Variants in ACOXL observed in about 807,000 individuals in gnomAD.
The protein encoded by ACOXL is acyl-coenzyme A oxidase-like protein.
ACOXL carries 70 observed loss-of-function variants against 71.9 expected under a neutral mutation model. The observed-to-expected ratio is 0.97, with a 90% CI of 0.80 to 1.19. The LOEUF is 1.19. ACOXL is among the 50% of genes most tolerant of loss of function. The pLI is 0.00. For synonymous variants in ACOXL, 253 were observed against 281.6 expected (o/e 0.90, Z 1.02); for missense variants, 703 against 736.3 (o/e 0.95, Z 0.52).
intron 2 of ACOXL, among the ~76,000 whole-genome samples, chr2:110,769,188 A>G (rs535594633): frequency 7.0e-4 from 106 of 151,894 alleles, no homozygotes; most frequent in African/African-American, 2.5e-3. Flanking sequence ...GTCATTCTAA[A>G]TTTAGTGGTA....
chr2:110,773,070 G>T (rs1682167785), intron 2 of ACOXL, among the ~76,000 whole-genome samples: 1 of 152,190 alleles, frequency 6.6e-6, no homozygotes, highest in Admixed American at 6.5e-5. Context: ...GGACCATAAA[G>T]GTTGAGAGTC....
chr2:110,744,392 TG>T (rs1677926698), intron 1 of ACOXL, among the ~76,000 whole-genome samples: 1 of 152,004 alleles, frequency 6.6e-6, no homozygotes, highest in Non-Finnish European at 1.5e-5. Context: ...AGTTAGGAGG[TG>T]GGATCTGCAG....
At chr2:110,971,701 A>G (rs2062196175) in intron 12 of ACOXL, among the ~76,000 whole-genome samples, 1 of 152,220 alleles carries the variant, frequency 6.6e-6, no homozygotes, top group Non-Finnish European at 1.5e-5. Flanking sequence ...TTTTAGCAAT[A>G]TCTATAGGAG....
intron 14 of ACOXL, among the ~76,000 whole-genome samples, chr2:111,008,479 A>C (rs1242137475): frequency 6.6e-6 from 1 of 152,206 alleles, no homozygotes; most frequent in Non-Finnish European, 1.5e-5. Flanking sequence ...ACAGCCACAG[A>C]ATAATCTATG....
intron 1 of ACOXL, among the ~76,000 whole-genome samples, chr2:110,766,362 G>A (rs1681067079): frequency 3.3e-5 from 5 of 152,160 alleles, no homozygotes; most frequent in Admixed American, 2.0e-4. Context: ...TGTCCAGGTG[G>A]CCATGTATAT....
At chr2:110,857,887 A>G (rs1381605217) in intron 10 of ACOXL, among the ~76,000 whole-genome samples, 1 of 151,940 alleles carries the variant, frequency 6.6e-6, no homozygotes, top group Non-Finnish European at 1.5e-5. Flanking sequence ...CACCACGCCC[A>G]GCTCATTTTT....
At chr2:111,024,212 G>T (rs1384203791) in intron 14 of ACOXL, among the ~76,000 whole-genome samples, 1 of 152,192 alleles carries the variant, frequency 6.6e-6, no homozygotes, top group Non-Finnish European at 1.5e-5. Flanking sequence ...CCAGGTTGTA[G>T]ATTGAATTCT....
At chr2:110,780,729 T>G (rs1462539580) in intron 2 of ACOXL, among the ~76,000 whole-genome samples, 3 of 152,054 alleles carry the variant, frequency 2.0e-5, no homozygotes, top group Non-Finnish European at 4.4e-5. Flanking sequence ...TAGTGGATGG[T>G]GATACAAAAA....
At chr2:111,022,719 C>T (rs549255545) in intron 14 of ACOXL, among the ~76,000 whole-genome samples, 37 of 152,180 alleles carry the variant, frequency 2.4e-4, no homozygotes, top group Non-Finnish European at 4.6e-4. Context: ...CCAGCCAGGG[C>T]CAACCAGGAG....
At chr2:111,065,726 T>C (rs527464146) in intron 16 of ACOXL, among the ~76,000 whole-genome samples, 2 of 152,312 alleles carry the variant, frequency 1.3e-5, no homozygotes, top group South Asian at 2.1e-4. Context: ...GTTTCACTCA[T>C]GAGGCTAGAG....
chr2:110,904,655 G>A (rs543431180), intron 10 of ACOXL, among the ~76,000 whole-genome samples: 35 of 152,328 alleles, frequency 2.3e-4, no homozygotes, highest in Middle Eastern at 3.4e-3. Flanking sequence ...GAAGGGGCAC[G>A]CCATGCCACG....
chr2:111,029,309 A>G (rs1406262957), intron 14 of ACOXL, among the ~76,000 whole-genome samples: 5 of 152,222 alleles, frequency 3.3e-5, no homozygotes, highest in African/African-American at 7.2e-5. Flanking sequence ...TTGTTTCACA[A>G]TATTGTTTGT....
intron 3 of ACOXL, among the ~76,000 whole-genome samples, chr2:110,788,586 C>A (rs1335214500): frequency 6.6e-6 from 1 of 152,066 alleles, no homozygotes; most frequent in Non-Finnish European, 1.5e-5. Context: ...TATGACTGTA[C>A]TTCATGCCAC....
chr2:110,921,661 A>G (rs564330888), intron 11 of ACOXL, among the ~76,000 whole-genome samples: 11 of 151,912 alleles, frequency 7.2e-5, no homozygotes, highest in East Asian at 1.9e-4. Context: ...CCAAAGTACT[A>G]GGATTACAGG....
chr2:111,089,375 C>G (rs894086594), intron 16 of ACOXL, among the ~76,000 whole-genome samples: 3 of 152,278 alleles, frequency 2.0e-5, no homozygotes, highest in East Asian at 1.9e-4. Flanking sequence ...AACATTTTGC[C>G]AAGCTAGAGA....
intron 1 of ACOXL, among the ~76,000 whole-genome samples, chr2:110,755,700 A>G (rs1679581700): frequency 6.6e-6 from 1 of 152,218 alleles, no homozygotes; most frequent in Non-Finnish European, 1.5e-5. Flanking sequence ...AATGAGGAAC[A>G]TACTCCATCT....
intron 16 of ACOXL, among the ~76,000 whole-genome samples, chr2:111,057,187 G>A (rs2066582672): frequency 6.6e-6 from 1 of 152,196 alleles, no homozygotes; most frequent in African/African-American, 2.4e-5. Context: ...AACCAACTGT[G>A]TGGGTTCCAC....
chr2:110,859,006 G>A (rs1174933402), intron 10 of ACOXL, among the ~76,000 whole-genome samples: 4 of 152,258 alleles, frequency 2.6e-5, no homozygotes, highest in East Asian at 1.9e-4. Flanking sequence ...ATCTACATGC[G>A]TTTCTCCATT....
chr2:111,055,076 C>T (rs76729611), intron 16 of ACOXL, among the ~76,000 whole-genome samples: 9,448 of 152,252 alleles, frequency 0.062, 517 homozygotes, highest in African/African-American at 0.15. Flanking sequence ...CCAAAGTTCT[C>T]CTCCTCACCC....
Sources: gnomAD v4.1 joint callset for allele counts (sites outside exome capture counted in the v4.1 genomes callset) on GRCh38, gnomAD v4.1.1 for gene constraint, MANE v1.5 for transcripts, NCBI Gene and HGNC (gene_info 2026-07-23, HGNC 2026-07-21) for gene names.